Variants in AGO2 observed in about 807,000 individuals in gnomAD.
AGO2 encodes protein argonaute-2.
Under a neutral mutation model 102.3 loss-of-function variants are expected in AGO2, and 5 were observed. The ratio of observed to expected loss-of-function variants is 0.05; its 90% CI spans 0.03 to 0.10. The LOEUF is 0.10. Among genes scored for constraint, AGO2 ranks in the 10% least tolerant of loss-of-function variants. The probability of loss-of-function intolerance (pLI) is 1.00; values close to 1 mark genes in which losing one functional copy is unlikely to be tolerated. For missense variants in AGO2, 541 were observed against 1,183.7 expected, an observed-to-expected ratio of 0.46 and a Z score of 7.97; for synonymous variants, 449 against 473.1, an observed-to-expected ratio of 0.95 and a Z score of 0.66.
intron 2 of AGO2, among the ~76,000 whole-genome samples, chr8:140,573,315 G>A (rs2073414704): frequency 6.6e-6 from 1 of 151,378 alleles, no homozygotes; most frequent in African/African-American, 2.4e-5. Flanking sequence ...GATTACAGGT[G>A]CCCGCCACCA....
At chr8:140,533,764 G>A (rs2072643990) in intron 17 of AGO2, among the ~76,000 whole-genome samples, 2 of 151,636 alleles carry the variant, frequency 1.3e-5, no homozygotes, top group Admixed American at 6.6e-5. Flanking sequence ...CTGAGTACAC[G>A]CCACTGCACT....
At chr8:140,581,560 T>A (rs561197553) in intron 2 of AGO2, among the ~76,000 whole-genome samples, 79 of 152,218 alleles carry the variant, frequency 5.2e-4, no homozygotes, top group African/African-American at 1.9e-3. Flanking sequence ...TATGCTCTCA[T>A]TCTGGTTCTA....
intron 1 of AGO2, among the ~76,000 whole-genome samples, chr8:140,629,760 C>T (rs952962847): frequency 2.0e-5 from 3 of 151,108 alleles, no homozygotes; most frequent in Admixed American, 6.6e-5. Context: ...CTCCGGAGCC[C>T]GGGGAGGTTG....
At chr8:140,595,992 ATT>A (rs1491165749) in intron 1 of AGO2, among the ~76,000 whole-genome samples, 6 of 125,588 alleles carry the variant, frequency 4.8e-5, no homozygotes, top group African/African-American at 6.0e-5. Flanking sequence ...TAATATATAT[ATT>A]ATATATATAT....
intron 14 of AGO2, 152 bp from the exon 15 acceptor site, chr8:140,541,510 T>C: frequency 2.9e-6 from 2 of 697,768 alleles, no homozygotes; most frequent in Non-Finnish European, 4.6e-6. Context: ...GGGTGTGAAC[T>C]CAGCCTTTAG....
chr8:140,624,816 A>ATC lies in AGO2; in HGVS notation c.22+10668_22+10669insGA, dbSNP rs536186760. ...TTCTGAAACATCTGTCAACAAGACGATGCCACTGGGATCTGCAATGAGAAA... is the reference window on the plus strand; with the variant it reads ...TTCTGAAACATCTGTCAACAAGACGATCTGCCACTGGGATCTGCAATGAGAAA... On this transcript the variant is annotated intron_variant, in intron 1 of 18. Coordinates refer to ENST00000220592, the MANE Select transcript of AGO2 (RefSeq NM_012154.5). Among the ~76,000 whole-genome samples, 1,064 of 152,376 alleles carry ATC rather than the reference A, an allele frequency of 7.0e-3. 7 individuals are homozygous for ATC. The highest frequency in any genetic ancestry group is 0.012 in the Non-Finnish European group (839 of 68,034).
chr8:140,541,070 T>C (rs2072788957), intron 15 of AGO2, 94 bp downstream of exon 15: 3 of 1,356,596 alleles, frequency 2.2e-6, no homozygotes, highest in Non-Finnish European at 2.0e-6. Flanking sequence ...GAGAGCCACA[T>C]CATTCTTGCC....
intron 1 of AGO2, among the ~76,000 whole-genome samples, chr8:140,611,489 G>A (rs916768326): frequency 6.6e-6 from 1 of 151,902 alleles, no homozygotes; most frequent in Non-Finnish European, 1.5e-5. Context: ...CACCACACCG[G>A]GCTAATTTTT....
intron 17 of AGO2, 55 bp from the exon 18 acceptor site, chr8:140,532,670 T>A: frequency 6.5e-7 from 1 of 1,530,762 alleles, no homozygotes; most frequent in East Asian, 2.3e-5. Flanking sequence ...TTTAAAAGGA[T>A]ACTGTGGAGA....
At chr8:140,561,517 T>C (rs1272406892) in intron 4 of AGO2, among the ~76,000 whole-genome samples, 1 of 152,220 alleles carries the variant, frequency 6.6e-6, no homozygotes, top group Non-Finnish European at 1.5e-5. Flanking sequence ...CTAGAGTGTT[T>C]CTCCACGTAC....
chr8:140,604,668 T>C (rs2073971431), intron 1 of AGO2, among the ~76,000 whole-genome samples: 1 of 151,766 alleles, frequency 6.6e-6, no homozygotes, highest in South Asian at 2.1e-4. Flanking sequence ...CTACTAAAAA[T>C]ACAAAAAAGT....
rs187203773 is a variant in AGO2 at position 140,562,438 on chromosome 8, G to A, written c.518+15C>T. The A allele has an allele frequency of 6.1e-5, 98 of 1,603,222 alleles. No individual in the cohort carries two copies. Among genetic ancestry groups the A allele is most frequent in the South Asian group, 3.6e-4 (33 of 90,792 alleles). ...AGGGGAGTCCCCCGCCCTTGGTCCC[G>A]TGTGGCGCCCTCACCTCATGGATGG... On this transcript the variant is annotated intron_variant, in intron 4 of 18. Transcript: ENST00000220592.
At chr8:140,635,954 C>T (rs1372581365), upstream of AGO2, among the ~76,000 whole-genome samples, 1 of 150,494 alleles carries the variant, frequency 6.6e-6, no homozygotes, top group African/African-American at 2.4e-5. Flanking sequence ...CCCCGGGGAC[C>T]CTTCACTGCC....
At chr8:140,596,086 C>G (rs565550424) in intron 1 of AGO2, among the ~76,000 whole-genome samples, 1 of 147,132 alleles carries the variant, frequency 6.8e-6, no homozygotes, top group African/African-American at 2.5e-5. Context: ...TGGGTTCAAG[C>G]GATCCTCCTG....
Position 140,541,402 on chromosome 8 carries a change from T to G in AGO2, c.1840-44A>C, listed in dbSNP as rs772622788. 2.6e-6 allele frequency: 4 copies of G among 1,516,420 alleles called. No individual in the cohort carries two copies. In the Middle Eastern group the frequency reaches 7.2e-4, roughly 273 times the overall value. The allele number at this position is 1,516,420 out of a possible 1,614,324, so 93.9% of individuals were successfully genotyped here. On this transcript the variant is annotated intron_variant, in intron 14 of 18. Coordinates refer to ENST00000220592, the MANE Select transcript of AGO2 (RefSeq NM_012154.5). ...AGTGTGGTCAGGGGTTCCCAAAACT[T>G]TCCTTTCCTGGGCATGTGCCTGGAC...
Position 140,543,139 on chromosome 8 carries a change from C to A in AGO2, c.1839+1074G>T, listed in dbSNP as rs577039539. 9.1e-3 allele frequency among the ~76,000 whole-genome samples: 1,357 copies of A among 149,456 alleles called. 24 individuals are homozygous for A. The highest frequency in any genetic ancestry group is 0.032 in the African/African-American group (1,277 of 40,470). ...GTGACAGTTACTCTGTCTCACAAAA[C>A]AAAACAAAACAAAACAAAAAACAAA... On this transcript the variant is annotated intron_variant, in intron 14 of 18. Coordinates refer to ENST00000220592, the MANE Select transcript of AGO2 (RefSeq NM_012154.5).
chr8:140,591,759 A>G (rs990579208), intron 1 of AGO2: 2 of 152,138 alleles, frequency 1.3e-5, no homozygotes, highest in Admixed American at 6.6e-5. Flanking sequence ...TTATGAATAC[A>G]TTTTTCCTCA....
rs1251073077 is a variant in AGO2, at chr8:140,532,034, C to A, written c.*10G>T. ...CCACTCGGTACACAATCGCTAAACA[C>A]TAAAACATGTCAAGCAAAGTACATG... On this transcript the variant is annotated 3_prime_UTR_variant, in exon 19 of 19. Coordinates refer to ENST00000220592, the MANE Select transcript of AGO2 (RefSeq NM_012154.5). 1 of 1,613,422 alleles carries A rather than the reference C, an allele frequency of 6.2e-7. No homozygotes were observed. Among genetic ancestry groups the A allele is most frequent in the Non-Finnish European group, 8.5e-7 (1 of 1,179,392 alleles).
At chr8:140,572,554 G>A (rs2073395877) in intron 3 of AGO2, 1 of 391,122 alleles carries the variant, frequency 2.6e-6, no homozygotes, top group Non-Finnish European at 4.6e-6. Flanking sequence ...TGTGTACTTT[G>A]TACTTAAAGT....
Sources: allele counts gnomAD v4.1 joint callset (sites outside exome capture counted in the v4.1 genomes callset), GRCh38; gene constraint gnomAD v4.1.1; transcripts MANE v1.5; gene names NCBI Gene and HGNC (gene_info 2026-07-23, HGNC 2026-07-21).